PLEC: variants seen among roughly 807,000 people sequenced by gnomAD.
PLEC encodes the protein plectin.
In PLEC, 216 loss-of-function variants were observed where a neutral mutation model predicts 392.8. That is an observed-to-expected ratio of 0.55 (90% CI 0.49 to 0.62). The LOEUF (loss-of-function observed/expected upper bound fraction) is 0.62, where lower values mean the gene tolerates loss of function less well. PLEC is among the 20% of genes least tolerant of loss of function. PLEC has a pLI of 0.00. For missense variants in PLEC, 6,863 were observed against 6,563.4 expected (o/e 1.05, Z -1.58); for synonymous variants, 3,621 against 2,980.6 (o/e 1.21, Z -7.00).
Position 143,929,841 on chromosome 8 carries a change from A to G in PLEC, c.2740-12T>C, listed in dbSNP as rs563348609. On this transcript the variant is annotated splice_polypyrimidine_tract_variant and intron_variant, in intron 22 of 31. Transcript: ENST00000345136. ...TTCAGGGTGCGGAACTGGGGGAAGC[A>G]CGTGGGGCTGAGTGCCGGGCGAGGC... The G allele has an allele frequency of 6.3e-6, 10 of 1,599,794 alleles. No individual in the cohort carries two copies. In the East Asian group the frequency reaches 1.6e-4, roughly 25 times the overall value.
chr8:143,963,208 G>A (rs944333097), intron 1 of PLEC, among the ~76,000 whole-genome samples: 2 of 152,244 alleles, frequency 1.3e-5, no homozygotes, highest in Non-Finnish European at 1.5e-5. Flanking sequence ...AGGATGAAAT[G>A]AAGGAAGGTA....
Position 143,929,964 on chromosome 8 carries a change from T to C in PLEC, c.2711A>G (p.Gln904Arg). The C allele has an allele frequency of 6.2e-7, 1 of 1,611,278 alleles. No individual in the cohort carries two copies. The highest frequency in any genetic ancestry group is 1.1e-5 in the South Asian group (1 of 90,982). Residue 904 changes from glutamine to arginine, a missense_variant, in exon 22 of 32, where the codon CAG becomes CGG. Transcript: ENST00000345136. The stretch of plus-strand genomic sequence containing the variant: ...GGCCAGGGACCAGGAGCGGATGAGC[T>C]GCACGTCGCGGCGAAGGCTCTGCCA... ...LAWQSLRRDVQLIRSWSLATF... is the reference protein window; with the variant it reads ...LAWQSLRRDVRLIRSWSLATF...
chr8:143,932,123 G>A lies in PLEC; in HGVS notation c.2082+7C>T, dbSNP rs782527711. 2.5e-6 allele frequency: 4 copies of A among 1,607,488 alleles called. No homozygotes were observed. The highest frequency in any genetic ancestry group is 1.7e-5 in the Admixed American group (1 of 59,832). ...CCGCAGCCCCGCCCCTACCCAGGGAGCCCCACCTCCACCGTGGGCCGGGCC... is the reference window on the plus strand; with the variant it reads ...CCGCAGCCCCGCCCCTACCCAGGGAACCCCACCTCCACCGTGGGCCGGGCC... On this transcript the variant is annotated splice_region_variant and intron_variant, in intron 17 of 31. Coordinates refer to ENST00000345136, the MANE Select transcript of PLEC (RefSeq NM_201384.3).
In PLEC at chr8:143,933,989, C is replaced by CTG. The variant is rs782124502; in HGVS notation, c.1263+8_1263+9insCA. On this transcript the variant is annotated intron_variant, in intron 12 of 31. Coordinates refer to ENST00000345136, the MANE Select transcript of PLEC (RefSeq NM_201384.3). ...CCTCCCGCCCACTGCCTGCCCCACA[C>CTG]CCCCTCACCGACTGCAGCAGGGCGT... The CTG allele has an allele frequency of 1.9e-6, 3 of 1,606,050 alleles. No homozygotes were observed. In the African/African-American group the frequency reaches 4.0e-5, roughly 21 times the overall value.
At chr8:143,932,090 G>GGCCCCCCCCGCA in intron 17 of PLEC, 40 bp downstream of exon 17, 1 of 1,573,368 alleles carries the variant, frequency 6.4e-7, no homozygotes, top group East Asian at 2.3e-5. Context: ...GACCCGGCAC[G>GGCCCCCCCCGCA]GCCCCCCCCG....
At position 143,931,604 on chromosome 8, in the gene PLEC, A is replaced by G. The variant is rs1554715489; in HGVS notation, c.2234T>C (p.Leu745Pro). ...EGQLQKLQEA[L>P]RRKYSCDRSA... The stretch of plus-strand genomic sequence containing the variant: ...GCGATCACAACTGTATTTCCTACGC[A>G]GTGCCTCCTGCAGCTTCTGCAACTG... Residue 745 changes from leucine (L) to proline (P), a missense_variant, in exon 19 of 32, where the codon CTG becomes CCG. Transcript: ENST00000345136. The G allele has an allele frequency of 1.9e-6, 3 of 1,600,652 alleles. No homozygotes were observed. The South Asian group carries it at 3.4e-5, about 18-fold the overall frequency.
chr8:143,929,203 G>T lies in PLEC; in HGVS notation c.3160C>A (p.Pro1054Thr), dbSNP rs1421391845. 1.2e-6 allele frequency: 2 copies of T among 1,602,466 alleles called. No individual in the cohort carries two copies. Among genetic ancestry groups the T allele is most frequent in the Non-Finnish European group, 1.7e-6 (2 of 1,177,776 alleles). Residue 1054 changes from proline to threonine, a missense_variant, in exon 25 of 32, where the codon CCA becomes ACA. Transcript: ENST00000345136. ...GTGGGGGCCGCAGGCGATGGCTCTG[G>T]TAGGGCCAAGACCTTCTCGGCCTCG... ...SAEAEKVLAL[P>T]EPSPAAPTLR...
intron 1 of PLEC, among the ~76,000 whole-genome samples, chr8:143,949,062 C>T (rs1554733798): frequency 1.3e-5 from 2 of 152,228 alleles, no homozygotes; most frequent in Non-Finnish European, 2.9e-5. Flanking sequence ...CACAGCCTCA[C>T]TGATCCTCCC....
chr8:143,924,110 C>A lies in PLEC; in HGVS notation c.5819G>T (p.Gly1940Val). The A allele has an allele frequency of 6.3e-7, 1 of 1,598,664 alleles. No individual in the cohort carries two copies. The highest frequency in any genetic ancestry group is 8.5e-7 in the Non-Finnish European group (1 of 1,179,400). Residue 1940 changes from glycine to valine, a missense_variant, in exon 31 of 32, where the codon GGC becomes GTC. By Grantham distance (109) the Gly-to-Val change is moderately radical (BLOSUM62 -3). Transcript: ENST00000345136. The stretch of plus-strand genomic sequence containing the variant: ...CAGCTCCAGCTCCAGCTCCGCCTTG[C>A]CAGCGGCCGCCTTCTCGAAGCTCGC... ...LKASFEKAAAGKAELELELGR... is the reference protein window; with the variant it reads ...LKASFEKAAAVKAELELELGR...
rs782571566 is a variant in PLEC, at chr8:143,929,229, G to A, written c.3134C>T (p.Ala1045Val). ...GLGKGVARLS[A>V]EAEKVLALPE... ...TAGGGCCAAGACCTTCTCGGCCTCG[G>A]CAGAGAGCCGGGCGACCCCCTTGCC... The change falls in exon 25 of 32, where the codon GCC (alanine) becomes GTC (valine). Residue 1045 changes from alanine to valine, a missense_variant. Transcript: ENST00000345136. The A allele has an allele frequency of 1.9e-6, 3 of 1,602,550 alleles. No homozygotes were observed. The highest frequency in any genetic ancestry group is 1.7e-4 in the Middle Eastern group (1 of 6,052).
At chr8:143,938,600 C>T in intron 2 of PLEC, 31 bp downstream of exon 2, 1 of 1,610,026 alleles carries the variant, frequency 6.2e-7, no homozygotes, top group South Asian at 1.1e-5. Flanking sequence ...AGCCTCAGCC[C>T]CTGTGACACG....
At position 143,919,112 on chromosome 8, in the gene PLEC, G is replaced by A; in HGVS notation, c.10709C>T (p.Thr3570Ile). The A allele has an allele frequency of 6.2e-7, 1 of 1,612,818 alleles. No individual in the cohort carries two copies. The highest frequency in any genetic ancestry group is 8.5e-7 in the Non-Finnish European group (1 of 1,180,026). Residue 3570 changes from threonine (T) to isoleucine (I), a missense_variant, in exon 32 of 32, where the codon ACA (threonine) becomes ATA (isoleucine). By Grantham distance (89) the Thr-to-Ile change is moderately conservative. Coordinates refer to ENST00000345136, the MANE Select transcript of PLEC (RefSeq NM_201384.3). Reference sequence around the variant, plus strand: ...GCCGCCGCCGGGAATGTCGATCTGTGTCTCTTCAAATGCCCTTCTTGTCTC... The same window carrying A: ...GCCGCCGCCGGGAATGTCGATCTGTATCTCTTCAAATGCCCTTCTTGTCTC... ...EEETRRAFEE[T>I]QIDIPGGGSH...
rs1554691892 is a variant in PLEC, at chr8:143,923,320, G to A, written c.6609C>T (p.Asn2203=). 4 of 1,609,876 alleles carry A rather than the reference G, an allele frequency of 2.5e-6. No individual in the cohort carries two copies. The highest frequency in any genetic ancestry group is 2.2e-5 in the East Asian group (1 of 44,772). The change falls in exon 31 of 32, where the codon AAC becomes AAT. Residue 2203 remains asparagine, a synonymous_variant. Transcript: ENST00000345136. ...LQLEETDHQK[N]LLDEELQRLK... ...GCCGCTGCAGCTCCTCGTCCAGCAGGTTCTTCTGGTGGTCGGTCTCCTCCA... is the reference window on the plus strand; with the variant it reads ...GCCGCTGCAGCTCCTCGTCCAGCAGATTCTTCTGGTGGTCGGTCTCCTCCA...
upstream of PLEC, among the ~76,000 whole-genome samples, chr8:143,954,531 ACTGCAGCTC>A (rs1307517095): frequency 2.6e-5 from 4 of 152,068 alleles, no homozygotes; most frequent in Non-Finnish European, 4.4e-5. This position sits in a 1 kb window ranked among gnomAD's most constrained non-coding sequence, Gnocchi z 4.6. Context: ...GCCAGATGAC[ACTGCAGCTC>A]CATCCCTCAC....
At position 143,917,323 on chromosome 8, in the gene PLEC, C is replaced by T. The variant is rs782017847; in HGVS notation, c.12498G>A (p.Gln4166=). 1.2e-6 allele frequency: 2 copies of T among 1,609,886 alleles called. No homozygotes were observed. Among genetic ancestry groups the T allele is most frequent in the Non-Finnish European group, 1.7e-6 (2 of 1,179,720 alleles). ...CCTGCTCGGACAGCTCCAGGTACGT[C>T]TGGTGGTCAATCAGGCCCTTGCGGT... ...EAYRKGLIDH[Q]TYLELSEQEC... is the part of the protein sequence containing the mutation. Residue 4166 remains glutamine (Q), a synonymous_variant, in exon 32 of 32, where the codon CAG becomes CAA. Coordinates refer to ENST00000345136, the MANE Select transcript of PLEC (RefSeq NM_201384.3).
chr8:143,919,381 G>T lies in PLEC; in HGVS notation c.10440C>A (p.Ser3480Arg). 1 of 1,613,738 alleles carries T rather than the reference G, an allele frequency of 6.2e-7. No individual in the cohort carries two copies. Among genetic ancestry groups the T allele is most frequent in the South Asian group, 1.1e-5 (1 of 91,082 alleles). The change falls in exon 32 of 32, where the codon AGC becomes AGA. Residue 3480 changes from serine to arginine, a missense_variant. By Grantham distance (110) the Ser-to-Arg change is moderately radical. Coordinates refer to ENST00000345136, the MANE Select transcript of PLEC (RefSeq NM_201384.3). ...ATGGIIDPVH[S>R]HRVPVDVAYQ... ...AGGCCACGTCCACAGGCACGCGGTG[G>T]CTGTGCACGGGGTCGATGATGCCGC...
At chr8:143,948,934 G>A (rs1831810420) in intron 1 of PLEC, among the ~76,000 whole-genome samples, 1 of 152,230 alleles carries the variant, frequency 6.6e-6, no homozygotes, top group African/African-American at 2.4e-5. Flanking sequence ...TGGCCAAGCA[G>A]TCTTTGTCTC....
rs1357240867 is a variant in PLEC at position 143,924,348 on chromosome 8, C to T, written c.5581G>A (p.Ala1861Thr). ...EAEIALKEKEAENERLRRLAE... is the reference protein window; with the variant it reads ...EAEIALKEKETENERLRRLAE... ...AGCCGCCGCAGGCGCTCGTTCTCCG[C>T]CTCCTTCTCCTTGAGCGCGATCTCC... is the stretch of plus-strand genomic sequence containing the variant. Residue 1861 changes from alanine to threonine, a missense_variant, in exon 31 of 32, where the codon GCG (alanine) becomes ACG (threonine). By Grantham distance (58) the Ala-to-Thr change is moderately conservative (BLOSUM62 0). Transcript: ENST00000345136. 6 of 1,596,982 alleles carry T rather than the reference C, an allele frequency of 3.8e-6. No homozygotes were observed. Among genetic ancestry groups the T allele is most frequent in the East Asian group, 2.2e-5 (1 of 44,790 alleles).
chr8:143,919,357 G>A lies in PLEC; in HGVS notation c.10464C>T (p.Ala3488=). 1 of 1,613,872 alleles carries A rather than the reference G, an allele frequency of 6.2e-7. No homozygotes were observed. The highest frequency in any genetic ancestry group is 8.5e-7 in the Non-Finnish European group (1 of 1,180,022). ...VHSHRVPVDV[A]YQRGYFSEEM... Reference sequence around the variant, plus strand: ...CCTCACTGAAGTAGCCGCGCTGGTAGGCCACGTCCACAGGCACGCGGTGGC... The same window carrying A: ...CCTCACTGAAGTAGCCGCGCTGGTAAGCCACGTCCACAGGCACGCGGTGGC... Residue 3488 remains alanine, a synonymous_variant, in exon 32 of 32, where the codon GCC becomes GCT. Transcript: ENST00000345136.
Sources: allele counts gnomAD v4.1 joint callset (sites outside exome capture counted in the v4.1 genomes callset), GRCh38; gene constraint gnomAD v4.1.1; non-coding constraint Gnocchi (gnomAD v3.1); transcripts MANE v1.5; gene names NCBI Gene and HGNC (gene_info 2026-07-23, HGNC 2026-07-21).